RAB38: variants seen among roughly 807,000 people sequenced by gnomAD.
The protein encoded by RAB38 is ras-related protein Rab-38.
A neutral mutation model predicts 18.4 loss-of-function variants in RAB38; 15 were observed. The observed-to-expected ratio is 0.82, with a 90% CI of 0.55 to 1.26. The LOEUF (loss-of-function observed/expected upper bound fraction) is 1.26, where lower values mean the gene tolerates loss of function less well. Among genes scored for constraint, RAB38 ranks in the 50% most tolerant of loss-of-function variants. RAB38 has a pLI of 0.00. For missense variants in RAB38, 294 were observed against 267.4 expected (o/e 1.10, Z -0.69); for synonymous variants, 101 against 104.4 (o/e 0.97, Z 0.20).
At chr11:87,976,976 TAAAATATA>T in the RAB38 span, among the ~76,000 whole-genome samples, 1 of 35,922 alleles carries the variant, frequency 2.8e-5, no homozygotes, top group Non-Finnish European at 4.8e-5. Flanking sequence ...AAGTATATTA[TAAAATATA>T]ATTACATTAT....
chr11:87,946,185 A>C, the RAB38 span, among the ~76,000 whole-genome samples: 4 of 152,298 alleles, frequency 2.6e-5, no homozygotes, highest in Non-Finnish European at 4.4e-5. Context: ...TCAAGTTTTC[A>C]GCAGTGACCT....
chr11:87,924,317 C>G, the RAB38 span, among the ~76,000 whole-genome samples: 3 of 152,020 alleles, frequency 2.0e-5, no homozygotes, highest in African/African-American at 7.2e-5. Context: ...AGTGCAAAAA[C>G]ACTTTACAAG....
At chr11:87,921,952 A>T in the RAB38 span, among the ~76,000 whole-genome samples, 2 of 152,020 alleles carry the variant, frequency 1.3e-5, no homozygotes, top group African/African-American at 4.8e-5. Flanking sequence ...GATTCTGCCA[A>T]CCACAAGGAA....
the RAB38 span, among the ~76,000 whole-genome samples, chr11:87,858,643 A>C: frequency 7.9e-4 from 120 of 152,260 alleles, no homozygotes; most frequent in African/African-American, 2.8e-3. Flanking sequence ...TAAGGTTAAC[A>C]AATGAAATAT....
downstream of RAB38, among the ~76,000 whole-genome samples, chr11:88,108,412 T>C (rs1942428653): frequency 6.6e-6 from 1 of 152,238 alleles, no homozygotes; most frequent in Non-Finnish European, 1.5e-5. Context: ...TGGTTTAAAA[T>C]CTGTTTTATC....
At chr11:88,054,778 G>C in the RAB38 span, among the ~76,000 whole-genome samples, 1 of 152,178 alleles carries the variant, frequency 6.6e-6, no homozygotes. Context: ...GTGGGAACAG[G>C]TTTCCCAAGA....
intron 1 of RAB38, chr11:88,167,554 A>G (rs867135014): frequency 6.6e-6 from 1 of 152,244 alleles, no homozygotes. Flanking sequence ...TGAGTTGTGA[A>G]GAAGATGTGG....
At chr11:88,039,436 G>A in the RAB38 span, among the ~76,000 whole-genome samples, 3 of 151,936 alleles carry the variant, frequency 2.0e-5, no homozygotes, top group African/African-American at 7.3e-5. Flanking sequence ...GGTTCCTTAG[G>A]CCAATGTAAA....
intron 1 of RAB38, among the ~76,000 whole-genome samples, chr11:88,167,993 A>T (rs1943264998): frequency 6.6e-6 from 1 of 152,238 alleles, no homozygotes; most frequent in Non-Finnish European, 1.5e-5. Context: ...AAAGTGAATC[A>T]TCAGAAGAGG....
chr11:88,127,581 C>A (rs1213695898), intron 2 of RAB38, among the ~76,000 whole-genome samples: 1 of 152,026 alleles, frequency 6.6e-6, no homozygotes, highest in African/African-American at 2.4e-5. Context: ...TTTTTTATAC[C>A]CTCACCTAAG....
At chr11:88,041,346 C>T in the RAB38 span, among the ~76,000 whole-genome samples, 23 of 152,298 alleles carry the variant, frequency 1.5e-4, no homozygotes, top group African/African-American at 2.6e-4. Context: ...TTCCTTTCCA[C>T]GTGCTCCTCT....
At chr11:88,013,416 G>A in the RAB38 span, among the ~76,000 whole-genome samples, 3 of 152,158 alleles carry the variant, frequency 2.0e-5, no homozygotes, top group African/African-American at 2.4e-5. Flanking sequence ...ATCCAAGGAT[G>A]TGACTTCATG....
At chr11:88,094,591 G>C in the RAB38 span, among the ~76,000 whole-genome samples, 2 of 151,836 alleles carry the variant, frequency 1.3e-5, no homozygotes, top group Admixed American at 6.6e-5. Flanking sequence ...AACATTATGT[G>C]AACTCTTTTA....
chr11:88,084,465 G>A, the RAB38 span, among the ~76,000 whole-genome samples: 1 of 151,684 alleles, frequency 6.6e-6, no homozygotes, highest in Non-Finnish European at 1.5e-5. Flanking sequence ...AAGAAAAGAA[G>A]GAAAATGACC....
intron 1 of RAB38, among the ~76,000 whole-genome samples, chr11:88,160,703 C>T (rs1446198477): frequency 6.6e-6 from 1 of 152,068 alleles, no homozygotes; most frequent in Non-Finnish European, 1.5e-5. Context: ...AGCTGGAGGC[C>T]ATTACCCTAA....
At chr11:87,874,881 G>A in the RAB38 span, among the ~76,000 whole-genome samples, 3 of 151,270 alleles carry the variant, frequency 2.0e-5, no homozygotes, top group African/African-American at 4.8e-5. Context: ...TGTGGGAAAT[G>A]GTATGGGGGT....
At chr11:88,014,156 G>A in the RAB38 span, among the ~76,000 whole-genome samples, 3 of 152,112 alleles carry the variant, frequency 2.0e-5, no homozygotes, top group Non-Finnish European at 4.4e-5. Flanking sequence ...CTGTATGCCA[G>A]GTCTTAATGC....
At chr11:87,962,497 G>A in the RAB38 span, among the ~76,000 whole-genome samples, 1 of 145,508 alleles carries the variant, frequency 6.9e-6, no homozygotes, top group Non-Finnish European at 1.5e-5. Flanking sequence ...AGGCTTGGCG[G>A]GGGCAGGGGG....
the RAB38 span, among the ~76,000 whole-genome samples, chr11:87,970,345 G>A: frequency 3.2e-4 from 49 of 152,046 alleles, no homozygotes; most frequent in East Asian, 4.2e-3. Context: ...CCCAATCTTA[G>A]CCCTGTTAGA....
Sources: allele counts gnomAD v4.1 joint callset (sites outside exome capture counted in the v4.1 genomes callset), GRCh38; gene constraint gnomAD v4.1.1; transcripts MANE v1.5; gene names NCBI Gene and HGNC (gene_info 2026-07-23, HGNC 2026-07-21).